GRIK3: variants seen among roughly 807,000 people sequenced by gnomAD.
GRIK3 encodes the protein glutamate ionotropic receptor kainate type subunit 3.
A neutral mutation model predicts 102.5 loss-of-function variants in GRIK3; 29 were observed. That is an observed-to-expected ratio of 0.28 (90% CI 0.21 to 0.39). The LOEUF (loss-of-function observed/expected upper bound fraction) is 0.39. GRIK3 is among the 10% of genes least tolerant of loss of function. GRIK3 has a pLI of 1.00. For synonymous variants in GRIK3, 511 were observed against 504.9 expected (o/e 1.01, Z -0.16); for missense variants, 908 against 1,252.4 (o/e 0.73, Z 4.15).
intron 13 of GRIK3, among the ~76,000 whole-genome samples, chr1:36,813,961 A>C (rs1332459842): frequency 6.6e-6 from 1 of 152,170 alleles, no homozygotes; most frequent in Non-Finnish European, 1.5e-5. Context: ...ACAGGAAGAA[A>C]GTGGAGTTAG....
intron 1 of GRIK3, among the ~76,000 whole-genome samples, chr1:36,970,384 T>C (rs1001910408): frequency 3.3e-5 from 5 of 152,190 alleles, no homozygotes; most frequent in Non-Finnish European, 5.9e-5. Flanking sequence ...GAGGTCCGCA[T>C]ATACTGACTC....
intron 4 of GRIK3, among the ~76,000 whole-genome samples, chr1:36,870,115 G>A (rs1262569987): frequency 6.6e-6 from 1 of 152,196 alleles, no homozygotes; most frequent in East Asian, 1.9e-4. Flanking sequence ...GCGTCTCCCG[G>A]CCTGCCACAC....
chr1:37,000,450 C>CAGAGAGGAAAATGAAGTTG (rs1479427082), intron 1 of GRIK3, among the ~76,000 whole-genome samples: 1 of 152,038 alleles, frequency 6.6e-6, no homozygotes, highest in African/African-American at 2.4e-5. Context: ...AAATGAAGTT[C>CAGAGAGGAAAATGAAGTTG]AGAGAGGAAA....
At chr1:36,924,850 G>T (rs922240791) in intron 1 of GRIK3, among the ~76,000 whole-genome samples, 3 of 152,036 alleles carry the variant, frequency 2.0e-5, no homozygotes, top group African/African-American at 7.3e-5. Flanking sequence ...CCAACACATG[G>T]ATACAAACAT....
At position 36,880,954 on chromosome 1, in the gene GRIK3, T is replaced by C; in HGVS notation, c.293-63A>G. On this transcript the variant is annotated intron_variant, in intron 2 of 15. Transcript: ENST00000373091. This position sits in a 1 kb window ranked among gnomAD's most constrained non-coding sequence, Gnocchi z 5.4. Reference sequence around the variant, plus strand: ...GGGGCTGTGGGTATGGGGACAGTGATGCTGATGATCCTGTAAACATGTGGG... The same window carrying C: ...GGGGCTGTGGGTATGGGGACAGTGACGCTGATGATCCTGTAAACATGTGGG... 3.3e-6 allele frequency: 5 copies of C among 1,504,520 alleles called. No homozygotes were observed. Among genetic ancestry groups the C allele is most frequent in the Non-Finnish European group, 4.5e-6 (5 of 1,114,874 alleles). 93.2% of individuals were successfully genotyped at this position (1,504,520 alleles called of 1,614,324 possible). A position where few individuals can be genotyped will look rare whatever the true frequency, so the allele number is the denominator to read the frequency against.
chr1:36,998,167 C>G (rs1398535881), intron 1 of GRIK3, among the ~76,000 whole-genome samples: 2 of 152,190 alleles, frequency 1.3e-5, no homozygotes, highest in Non-Finnish European at 1.5e-5. Flanking sequence ...ACTGGGACAC[C>G]AGCAAAACAG....
At chr1:36,820,812 A>T (rs1642688519) in intron 11 of GRIK3, among the ~76,000 whole-genome samples, 1 of 152,228 alleles carries the variant, frequency 6.6e-6, no homozygotes, top group Admixed American at 6.5e-5. Context: ...TATATATATG[A>T]CAGGGAAAAA....
chr1:36,958,233 C>A (rs1194024395), intron 1 of GRIK3, among the ~76,000 whole-genome samples: 5 of 115,568 alleles, frequency 4.3e-5, no homozygotes, highest in Admixed American at 1.8e-4. Flanking sequence ...CCTGTGTGCC[C>A]CGTGAGCCTG....
intron 1 of GRIK3, among the ~76,000 whole-genome samples, chr1:36,986,867 T>C (rs1356091330): frequency 1.3e-5 from 2 of 152,208 alleles, no homozygotes; most frequent in Non-Finnish European, 2.9e-5. Flanking sequence ...TTAATAACTT[T>C]GGGGTCAAAC....
intron 1 of GRIK3, among the ~76,000 whole-genome samples, chr1:36,927,755 A>G (rs1467554300): frequency 6.6e-6 from 1 of 152,120 alleles, no homozygotes. Flanking sequence ...GAGGAGACCA[A>G]AGGTCGGTAA....
intron 15 of GRIK3, 193 bp downstream of exon 15, chr1:36,804,794 G>T: frequency 3.0e-6 from 2 of 676,778 alleles, no homozygotes; most frequent in South Asian, 3.9e-5. Flanking sequence ...GGCCTGGGGT[G>T]GGGCAACGGC....
At chr1:36,943,648 C>A (rs1260718869) in intron 1 of GRIK3, among the ~76,000 whole-genome samples, 3 of 152,162 alleles carry the variant, frequency 2.0e-5, no homozygotes, top group Non-Finnish European at 2.9e-5. Flanking sequence ...CAAAAGTAGA[C>A]AATAAATGAG....
chr1:37,026,764 G>T (rs550948973), intron 1 of GRIK3, among the ~76,000 whole-genome samples: 1 of 151,970 alleles, frequency 6.6e-6, no homozygotes, highest in African/African-American at 2.4e-5. Context: ...TTGGACTCAC[G>T]TTCAAAAATA....
At chr1:36,890,647 G>A (rs975351523) in intron 2 of GRIK3, among the ~76,000 whole-genome samples, 2 of 152,142 alleles carry the variant, frequency 1.3e-5, no homozygotes, top group Admixed American at 6.5e-5. Flanking sequence ...TACTTCCTAC[G>A]TGCCAGCGCT....
chr1:36,944,765 C>T (rs1400470267), intron 1 of GRIK3, among the ~76,000 whole-genome samples: 1 of 152,172 alleles, frequency 6.6e-6, no homozygotes, highest in Non-Finnish European at 1.5e-5. Context: ...ATGTCAATTT[C>T]CTCATCTTTA....
intron 1 of GRIK3, among the ~76,000 whole-genome samples, chr1:36,894,301 T>C (rs1445689422): frequency 6.6e-6 from 1 of 152,256 alleles, no homozygotes; most frequent in African/African-American, 2.4e-5. Context: ...GCTTTTGCGG[T>C]TCATCCATAT....
chr1:36,938,766 G>A (rs1410387531), intron 1 of GRIK3, among the ~76,000 whole-genome samples: 2 of 152,212 alleles, frequency 1.3e-5, no homozygotes, highest in Non-Finnish European at 2.9e-5. Context: ...CACAGTGACT[G>A]TTGGGGGGTT....
At chr1:36,988,686 A>G (rs1025209334) in intron 1 of GRIK3, among the ~76,000 whole-genome samples, 2 of 152,250 alleles carry the variant, frequency 1.3e-5, no homozygotes, top group Non-Finnish European at 2.9e-5. Context: ...AAACTCAACT[A>G]TAAAGTTAAA....
In GRIK3 at chr1:36,880,609, A is replaced by G. The variant is rs1406345002; in HGVS notation, c.550+25T>C. On this transcript the variant is annotated intron_variant, in intron 3 of 15. Transcript: ENST00000373091. This position sits in a 1 kb window ranked among gnomAD's most constrained non-coding sequence, Gnocchi z 5.4. ...TCTGCCCCCCTCAACCGTTGCCCCC[A>G]GCCTAGCCAGGCCTGGCCACCCACC... 2 of 1,611,246 alleles carry G rather than the reference A, an allele frequency of 1.2e-6. No individual in the cohort carries two copies. The highest frequency in any genetic ancestry group is 1.7e-6 in the Non-Finnish European group (2 of 1,177,828).
Sources: allele counts gnomAD v4.1 joint callset (sites outside exome capture counted in the v4.1 genomes callset), GRCh38; gene constraint gnomAD v4.1.1; non-coding constraint Gnocchi (gnomAD v3.1); transcripts MANE v1.5; gene names NCBI Gene and HGNC (gene_info 2026-07-23, HGNC 2026-07-21).